Variants in ZNF10 observed in about 807,000 individuals in gnomAD.
ZNF10 encodes zinc finger protein 10 (KOX 1).
A neutral mutation model predicts 12.2 loss-of-function variants in ZNF10; 8 were observed. That is an observed-to-expected ratio of 0.66 (90% CI 0.39 to 1.18). ZNF10 has a LOEUF of 1.18. ZNF10 is among the 50% of genes most tolerant of loss of function. The pLI, the probability that ZNF10 is intolerant of heterozygous loss-of-function variation, is 0.01. For synonymous variants in ZNF10, 229 were observed against 228.2 expected (o/e 1.00, Z -0.03); for missense variants, 603 against 678.9 (o/e 0.89, Z 1.24).
At chr12:133,144,207 G>A (rs1009256145) in intron 1 of ZNF10, 17 of 266,828 alleles carry the variant, frequency 6.4e-5, no homozygotes, top group African/African-American at 3.3e-4. Flanking sequence ...CAAATGTGGT[G>A]TGGAACTCCA....
At position 133,144,630 on chromosome 12, in the gene ZNF10, A is replaced by G. The variant is rs73162482; in HGVS notation, c.33+105A>G. On this transcript the variant is annotated intron_variant, in intron 2 of 4. Transcript: ENST00000248211. Reference sequence around the variant, plus strand: ...ATATCTTCTTCTCCAGCAGACTAGAATTAGGTTTTTGTTTTGTTTCCAGGT... The same window carrying G: ...ATATCTTCTTCTCCAGCAGACTAGAGTTAGGTTTTTGTTTTGTTTCCAGGT... 3,001 of 1,224,564 alleles carry G rather than the reference A, an allele frequency of 2.5e-3. 51 individuals carry two copies. The African/African-American group carries it at 0.037, about 15-fold the overall frequency. The allele number at this position is 1,224,564 out of a possible 1,614,324, so 75.9% of individuals were successfully genotyped here. A position where few individuals can be genotyped will look rare whatever the true frequency, so the allele number is the denominator to read the frequency against.
At chr12:133,152,541 A>G (rs1436554959) in intron 4 of ZNF10, among the ~76,000 whole-genome samples, 1 of 152,114 alleles carries the variant, frequency 6.6e-6, no homozygotes, top group African/African-American at 2.4e-5. Flanking sequence ...TAGCCTCCCA[A>G]AGAACCAGGA....
At chr12:133,138,777 C>G (rs1955927578) in intron 1 of ZNF10, among the ~76,000 whole-genome samples, 1 of 152,150 alleles carries the variant, frequency 6.6e-6, no homozygotes, top group South Asian at 2.1e-4. Context: ...ATGGCTACTA[C>G]TCTGTTCTTA....
chr12:133,151,119 T>C lies in ZNF10; in HGVS notation c.125T>C (p.Val42Ala). The C allele has an allele frequency of 6.2e-7, 1 of 1,613,750 alleles. No individual in the cohort carries two copies. The highest frequency in any genetic ancestry group is 8.5e-7 in the Non-Finnish European group (1 of 1,179,702). ...DTAQQIVYRN[V>A]MLENYKNLVS... ...GCTCAGCAGATCGTGTACAGAAATG[T>C]GATGCTGGAGAACTATAAGAACCTG... Residue 42 changes from valine to alanine, a missense_variant, in exon 3 of 5, where the codon GTG (valine) becomes GCG (alanine). Physicochemically the swap from Val to Ala is moderately conservative, Grantham distance 64 (BLOSUM62 0). Coordinates refer to ENST00000248211, the MANE Select transcript of ZNF10 (RefSeq NM_015394.5).
At chr12:133,143,444 A>G (rs1333174053) in intron 1 of ZNF10, 1 of 152,188 alleles carries the variant, frequency 6.6e-6, no homozygotes, top group Non-Finnish European at 1.5e-5. Flanking sequence ...TTTAAAAAAA[A>G]GCCAAAGGCA....
chr12:133,138,638 A>T (rs1174120572), intron 1 of ZNF10, among the ~76,000 whole-genome samples: 1 of 152,170 alleles, frequency 6.6e-6, no homozygotes, highest in East Asian at 1.9e-4. Flanking sequence ...CGAGGATAGG[A>T]TGTGCAAATG....
In ZNF10 at chr12:133,142,410, C is replaced by CAA. The variant is rs370374280; in HGVS notation, c.-59-2007_-59-2006dup. 1.0e-4 allele frequency among the ~76,000 whole-genome samples: 11 copies of CAA among 108,638 alleles called. 1 individual carries two copies. The highest frequency in any genetic ancestry group is 3.5e-4 in the East Asian group (1 of 2,832). The allele number at this position is 108,638 out of a possible 152,430, so 71.3% of individuals were successfully genotyped here. A position where few individuals can be genotyped will look rare whatever the true frequency, so the allele number is the denominator to read the frequency against. On this transcript the variant is annotated intron_variant, in intron 1 of 4. Transcript: ENST00000248211. ...GGGTGACAGAGTGAGACTCCGTCTC[C>CAA]AAAAAAAAAAAAAAAAAAGTGGGAG... is the stretch of plus-strand genomic sequence containing the variant.
intron 1 of ZNF10, chr12:133,143,854 C>CCA (rs1173717860): frequency 1.1e-5 from 1 of 93,496 alleles, no homozygotes; most frequent in African/African-American, 5.1e-5. Context: ...CATCTGGAGG[C>CCA]CGTGGGGAAA....
intron 1 of ZNF10, among the ~76,000 whole-genome samples, chr12:133,142,423 A>G (rs1955950923): frequency 6.6e-6 from 1 of 150,392 alleles, no homozygotes; most frequent in Non-Finnish European, 1.5e-5. Context: ...AAAAAAAAAA[A>G]AAAAAGTGGG....
intron 1 of ZNF10, among the ~76,000 whole-genome samples, chr12:133,136,019 T>C (rs563026917): frequency 2.6e-5 from 4 of 152,386 alleles, no homozygotes; most frequent in Admixed American, 2.6e-4. Context: ...GTTGTTCCTC[T>C]CATTGTTAGC....
chr12:133,143,600 A>G (rs1033695070), intron 1 of ZNF10: 2 of 152,236 alleles, frequency 1.3e-5, no homozygotes, highest in African/African-American at 2.4e-5. Flanking sequence ...AGTAAACAGC[A>G]CTGGCGAATG....
chr12:133,155,076 CAA>C (rs11340550), intron 4 of ZNF10, among the ~76,000 whole-genome samples: 22 of 114,940 alleles, frequency 1.9e-4, no homozygotes, highest in East Asian at 5.1e-4. Context: ...GAAACTGTCT[CAA>C]AAAAAAAAAA....
chr12:133,141,594 A>G (rs1327325984), intron 1 of ZNF10, among the ~76,000 whole-genome samples: 1 of 152,188 alleles, frequency 6.6e-6, no homozygotes, highest in Non-Finnish European at 1.5e-5. Context: ...TTTCCAGAAG[A>G]AAAGTTGGGT....
chr12:133,132,269 A>ATT lies in ZNF10; in HGVS notation c.-60+1531_-60+1532dup, dbSNP rs34602690. 2.2e-3 allele frequency among the ~76,000 whole-genome samples: 304 copies of ATT among 141,098 alleles called. 2 individuals carry two copies. Among genetic ancestry groups the ATT allele is most frequent in the African/African-American group, 4.6e-3 (177 of 38,196 alleles). The allele number at this position is 141,098 out of a possible 152,430, so 92.6% of individuals were successfully genotyped here. A position where few individuals can be genotyped will look rare whatever the true frequency, so the allele number is the denominator to read the frequency against. On this transcript the variant is annotated intron_variant, in intron 1 of 4. Transcript: ENST00000248211. Reference sequence around the variant, plus strand: ...ATTCAATTGTCAAGAAAATCTGAGAATTTTTTTTTTTTTTTTTGAGATAGA... The same window carrying ATT: ...ATTCAATTGTCAAGAAAATCTGAGAATTTTTTTTTTTTTTTTTTTGAGATAGA...
chr12:133,146,581 C>T (rs1234873152), intron 2 of ZNF10, among the ~76,000 whole-genome samples: 1 of 152,186 alleles, frequency 6.6e-6, no homozygotes, highest in Non-Finnish European at 1.5e-5. Flanking sequence ...CACTGTGGCT[C>T]ATGCCTGTAA....
chr12:133,148,753 T>TG lies in ZNF10; in HGVS notation c.34-2275_34-2274insG, dbSNP rs1408761549. Among the ~76,000 whole-genome samples, 481 of 147,610 alleles carry TG rather than the reference T, an allele frequency of 3.3e-3. 2 individuals are homozygous for TG. The highest frequency in any genetic ancestry group is 5.4e-3 in the Non-Finnish European group (359 of 66,332). On this transcript the variant is annotated intron_variant, in intron 2 of 4. Transcript: ENST00000248211. ...TTTCTAGGTTGTATTCAATGTTGGT[T>TG]TTTTTTTTTTTTTTTTGAGTTGGAG...
Position 133,153,890 on chromosome 12 carries a change from TC to T in ZNF10, c.257-1611del, listed in dbSNP as rs576588255. 1.2e-4 allele frequency among the ~76,000 whole-genome samples: 19 copies of T among 152,288 alleles called. No homozygotes were observed. The East Asian group carries it at 3.7e-3, about 29-fold the overall frequency. On this transcript the variant is annotated intron_variant, in intron 4 of 4. Coordinates refer to ENST00000248211, the MANE Select transcript of ZNF10 (RefSeq NM_015394.5). The stretch of plus-strand genomic sequence containing the variant: ...TCCAGGCTCTGCTGGCCCCAGGTGT[TC>T]CTTGGCTTGTGGATATATCATTCCA...
At position 133,156,741 on chromosome 12, in the gene ZNF10, A is replaced by G; in HGVS notation, c.1495A>G (p.Ile499Val). 6.2e-7 allele frequency: 1 copy of G among 1,608,800 alleles called. No individual in the cohort carries two copies. Among genetic ancestry groups the G allele is most frequent in the South Asian group, 1.1e-5 (1 of 90,048 alleles). ...ATGCTGTCAGTGTGGGAAAGCCTTC[A>G]TCCGGAAGAATGACCTCATTAAGCA... ...YECCQCGKAF[I>V]RKNDLIKHQR... Residue 499 changes from isoleucine to valine, a missense_variant, in exon 5 of 5, where the codon ATC becomes GTC. Ile to Val is a conservative substitution (Grantham distance 29). Around this residue, in one of 3 missense-constraint regions of ZNF10, gnomAD observed 204 missense variants for 262.8 expected, o/e 0.78. Coordinates refer to ENST00000248211, the MANE Select transcript of ZNF10 (RefSeq NM_015394.5).
chr12:133,131,455 A>G (rs1407466511), intron 1 of ZNF10, among the ~76,000 whole-genome samples: 2 of 152,130 alleles, frequency 1.3e-5, no homozygotes, highest in South Asian at 2.1e-4. Flanking sequence ...CCAGCTATAC[A>G]TTAATTGCAG....
Sources: allele counts gnomAD v4.1 joint callset (sites outside exome capture counted in the v4.1 genomes callset), GRCh38; gene constraint gnomAD v4.1.1; regional missense constraint gnomAD v4.1.1; transcripts MANE v1.5; gene names NCBI Gene and HGNC (gene_info 2026-07-23, HGNC 2026-07-21).